Variants in ARFGAP2 observed in about 807,000 individuals in gnomAD.
ARFGAP2 encodes the protein ADP-ribosylation factor GTPase-activating protein 2.
Under a neutral mutation model 71.9 loss-of-function variants are expected in ARFGAP2, and 45 were observed. The observed-to-expected ratio is 0.63, with a 90% CI of 0.49 to 0.80. The LOEUF is 0.80. Among genes scored for constraint, ARFGAP2 ranks in the 30% least tolerant of loss-of-function variants. The pLI is 0.00. For missense variants in ARFGAP2, 633 were observed against 673.9 expected, an observed-to-expected ratio of 0.94 and a Z score of 0.67; for synonymous variants, 248 against 249.2, an observed-to-expected ratio of 1.00 and a Z score of 0.05.
chr11:47,168,381 C>T, intron 10 of ARFGAP2, 130 bp from the exon 11 acceptor site: 1 of 1,308,832 alleles, frequency 7.6e-7, no homozygotes, highest in South Asian at 1.4e-5. Flanking sequence ...CTTACCCAAG[C>T]ACAGGGCTGG....
In ARFGAP2 at chr11:47,176,788, G is replaced by A. The variant is rs754213493; in HGVS notation, c.66C>T (p.Thr22=). 1.2e-6 allele frequency: 2 copies of A among 1,614,140 alleles called. No homozygotes were observed. The highest frequency in any genetic ancestry group is 1.7e-6 in the Non-Finnish European group (2 of 1,180,030). The change falls in exon 1 of 16, where the codon ACC becomes ACT. Residue 22 remains threonine, a synonymous_variant. Transcript: ENST00000524782. ...GCGCCCCCTGCTCACGCACCTTGTT[G>A]GTTGGAACTGCGCGAAGCCTCTTAA... ...TLFKRLRAVP[T]NKACFDCGAK... is the part of the protein sequence containing the mutation.
chr11:47,166,860 C>T lies in ARFGAP2; in HGVS notation c.1232G>A (p.Ser411Asn), dbSNP rs3740691. The T allele has an allele frequency of 0.33, 527,620 of 1,613,628 alleles. 92,130 individuals carry two copies. Among genetic ancestry groups the T allele is most frequent in the African/African-American group, 0.62 (46,543 of 74,978 alleles). ...ACTAGACTCGAGGCCTGAGCTCCGG[C>T]TCTCCACTTCCCTCCGGTTTGTGGC... ...ERATNRREVE[S>N]RSSGLESSEA... The change falls in exon 13 of 16, where the codon AGC becomes AAC. Residue 411 changes from serine (S) to asparagine (N), a missense_variant. Ser to Asn is a conservative substitution (Grantham distance 46). Transcript: ENST00000524782.
chr11:47,168,786 G>C (rs1952487878), intron 10 of ARFGAP2, among the ~76,000 whole-genome samples: 1 of 152,034 alleles, frequency 6.6e-6, no homozygotes, highest in African/African-American at 2.4e-5. Flanking sequence ...GCCTCCAAAA[G>C]TGCCAGGATT....
At chr11:47,173,921 G>A (rs1952693488) in intron 5 of ARFGAP2, 81 bp from the exon 6 acceptor site, 3 of 1,543,934 alleles carry the variant, frequency 1.9e-6, no homozygotes, top group Middle Eastern at 1.7e-4. Context: ...AGCACCTTGT[G>A]GACAAGAAAT....
chr11:47,173,355 G>A lies in ARFGAP2; in HGVS notation c.619+71C>T, dbSNP rs569574746. The stretch of plus-strand genomic sequence containing the variant: ...CCTCTGTCCACACGGCCAGGCAGTA[G>A]GACCTCTGAAAAGAACATTTGAGGT... On this transcript the variant is annotated intron_variant, in intron 7 of 15. Transcript: ENST00000524782. The A allele has an allele frequency of 5.3e-6, 8 of 1,520,254 alleles. No homozygotes were observed. In the African/African-American group the frequency reaches 6.9e-5, roughly 13 times the overall value. The allele number at this position is 1,520,254 out of a possible 1,614,324, so 94.2% of individuals were successfully genotyped here. A position where few individuals can be genotyped will look rare whatever the true frequency, so the allele number is the denominator to read the frequency against.
intron 7 of ARFGAP2, chr11:47,172,868 C>T (rs2135432708): frequency 1.0e-6 from 1 of 986,878 alleles, no homozygotes; most frequent in African/African-American, 1.7e-5. Context: ...CCAGCCTTCT[C>T]ATGGATCAGT....
intron 12 of ARFGAP2, 94 bp downstream of exon 12, chr11:47,167,815 A>T (rs1451977567): frequency 1.6e-5 from 22 of 1,417,912 alleles, no homozygotes; most frequent in Non-Finnish European, 2.0e-5. Context: ...ATCAACACAG[A>T]AAGTTCTTCT....
intron 10 of ARFGAP2, among the ~76,000 whole-genome samples, chr11:47,169,794 C>A (rs1952524923): frequency 1.3e-5 from 2 of 152,046 alleles, no homozygotes; most frequent in African/African-American, 4.8e-5. Flanking sequence ...CCATTGCACT[C>A]CAGCCTAGGC....
At position 47,170,624 on chromosome 11, in the gene ARFGAP2, G is replaced by A. The variant is rs1312772851; in HGVS notation, c.941+802C>T. Among the ~76,000 whole-genome samples, 10 of 152,300 alleles carry A rather than the reference G, an allele frequency of 6.6e-5. No individual in the cohort carries two copies. In the East Asian group the frequency reaches 9.6e-4, roughly 15 times the overall value. On this transcript the variant is annotated intron_variant, in intron 10 of 15. Transcript: ENST00000524782. Reference sequence around the variant, plus strand: ...ATCGTGCCATTGCACTCCAGCCTGGGTGACAGAGTGAGACTTTGTCTCAAA... The same window carrying A: ...ATCGTGCCATTGCACTCCAGCCTGGATGACAGAGTGAGACTTTGTCTCAAA...
chr11:47,170,643 T>C (rs1273378665), intron 10 of ARFGAP2, among the ~76,000 whole-genome samples: 2 of 151,870 alleles, frequency 1.3e-5, no homozygotes, highest in African/African-American at 4.8e-5. Context: ...TGAGACTTTG[T>C]CTCAAAAAAT....
At chr11:47,170,790 A>G (rs1449374817) in intron 10 of ARFGAP2, among the ~76,000 whole-genome samples, 1 of 152,074 alleles carries the variant, frequency 6.6e-6, no homozygotes. Context: ...TACAAAAAGT[A>G]AAAAAATTAG....
chr11:47,167,806 T>A, intron 12 of ARFGAP2, 103 bp downstream of exon 12: 1 of 1,367,566 alleles, frequency 7.3e-7, no homozygotes, highest in Non-Finnish European at 9.7e-7. Flanking sequence ...AACATTCCCA[T>A]CAACACAGAA....
intron 5 of ARFGAP2, chr11:47,174,802 A>G (rs1952734416): frequency 1.0e-5 from 6 of 582,290 alleles, no homozygotes; most frequent in Admixed American, 2.9e-5. Context: ...CCCAATTTAT[A>G]GGAGTCGATT....
At chr11:47,166,157 C>T (rs537510733) in intron 15 of ARFGAP2, 111 bp downstream of exon 15, 63 of 1,119,800 alleles carry the variant, frequency 5.6e-5, no homozygotes, top group Admixed American at 2.8e-4. Context: ...CCACCACACC[C>T]GGCCGAAAAT....
chr11:47,169,924 G>A (rs1952528036), intron 10 of ARFGAP2, among the ~76,000 whole-genome samples: 2 of 151,914 alleles, frequency 1.3e-5, no homozygotes, highest in Non-Finnish European at 2.9e-5. Context: ...CCTTAACCCA[G>A]TCATCTATTA....
intron 3 of ARFGAP2, 76 bp from the exon 4 acceptor site, chr11:47,175,389 C>A (rs753676652): frequency 6.3e-7 from 1 of 1,599,438 alleles, no homozygotes; most frequent in Admixed American, 1.7e-5. Context: ...TAGGAGACAT[C>A]TCCTTATGAC....
In ARFGAP2 at chr11:47,166,520, C is replaced by T. The variant is rs1952384469; in HGVS notation, c.1412G>A (p.Gly471Glu). Residue 471 changes from glycine (G) to glutamate (E), a missense_variant, in exon 14 of 16, where the codon GGA becomes GAA. By Grantham distance (98) the Gly-to-Glu change is moderately conservative. Transcript: ENST00000524782. ...CAGGGCCCTACCTGCTCCGTGAGCT[C>T]CATCCATGTCCCCAAAGAGGTCTGA... ...SSSDLFGDMD[G>E]AHGAGSVSLG... is the part of the protein sequence containing the mutation. 1 of 1,612,826 alleles carries T rather than the reference C, an allele frequency of 6.2e-7. No individual in the cohort carries two copies. The highest frequency in any genetic ancestry group is 8.5e-7 in the Non-Finnish European group (1 of 1,180,020).
In ARFGAP2 at chr11:47,175,927, T is replaced by G; in HGVS notation, c.192-4A>C. The G allele has an allele frequency of 6.2e-7, 1 of 1,614,008 alleles. No individual in the cohort carries two copies. Among genetic ancestry groups the G allele is most frequent in the Non-Finnish European group, 8.5e-7 (1 of 1,179,966 alleles). On this transcript the variant is annotated splice_polypyrimidine_tract_variant and splice_region_variant and intron_variant, in intron 2 of 15. Transcript: ENST00000524782. ...GTTGGAATCCAACTCTGTGGACCTGTGTACAAGGGCTGCGTCTCACCCACT... is the reference window on the plus strand; with the variant it reads ...GTTGGAATCCAACTCTGTGGACCTGGGTACAAGGGCTGCGTCTCACCCACT...
rs1467756058 is a variant in ARFGAP2 at position 47,173,827 on chromosome 11, T to C, written c.494A>G (p.Asp165Gly). ...CCCTGAAGGCTCAGTGGCTGGCGCA[T>C]CCCAGGCAGGGGGCTGAAAAGGAGG... ...FTEHTQPPAW[D>G]APATEPSGTQ... Residue 165 changes from aspartate to glycine, a missense_variant, in exon 6 of 16, where the codon GAT becomes GGT. By Grantham distance (94) the Asp-to-Gly change is moderately conservative. Transcript: ENST00000524782. The C allele has an allele frequency of 6.2e-7, 1 of 1,600,466 alleles. No homozygotes were observed. The highest frequency in any genetic ancestry group is 8.5e-7 in the Non-Finnish European group (1 of 1,174,116).
Sources: allele counts gnomAD v4.1 joint callset (sites outside exome capture counted in the v4.1 genomes callset), GRCh38; gene constraint gnomAD v4.1.1; transcripts MANE v1.5; gene names NCBI Gene and HGNC (gene_info 2026-07-23, HGNC 2026-07-21).